TRPM8: variants seen among roughly 807,000 people sequenced by gnomAD.
TRPM8 encodes transient receptor potential cation channel subfamily M member 8.
Under a neutral mutation model 133.7 loss-of-function variants are expected in TRPM8, and 110 were observed. That is an observed-to-expected ratio of 0.82 (90% CI 0.70 to 0.96). The LOEUF (loss-of-function observed/expected upper bound fraction) is 0.96, where lower values mean the gene tolerates loss of function less well. Among genes scored for constraint, TRPM8 ranks in the 40% least tolerant of loss-of-function variants. TRPM8 has a pLI of 0.00. For missense variants in TRPM8, 1,291 were observed against 1,379.5 expected, an observed-to-expected ratio of 0.94 and a Z score of 1.02; for synonymous variants, 535 against 532.3, an observed-to-expected ratio of 1.01 and a Z score of -0.07.
At chr2:234,000,938 A>G (rs569495314) in intron 22 of TRPM8, among the ~76,000 whole-genome samples, 22 of 152,212 alleles carry the variant, frequency 1.4e-4, no homozygotes, top group Non-Finnish European at 3.1e-4. Flanking sequence ...TCAGCCTCCT[A>G]AAGTTCCCGG....
At position 234,017,865 on chromosome 2, in the gene TRPM8, C is replaced by T. The variant is rs1002918735; in HGVS notation, c.*609C>T. 1 of 152,672 alleles carries T rather than the reference C, an allele frequency of 6.5e-6. No homozygotes were observed. The highest frequency in any genetic ancestry group is 1.5e-5 in the Non-Finnish European group (1 of 68,466). The allele number at this position is 152,672 out of a possible 1,614,324, so 9.5% of individuals were successfully genotyped here. ...GGAGGTGACAAGGCAGTCTCTTGCT[C>T]TCTTGGACTCACCAGGCTCCTATTG... is the stretch of plus-strand genomic sequence containing the variant. On this transcript the variant is annotated 3_prime_UTR_variant, in exon 26 of 26. Transcript: ENST00000324695.
intron 10 of TRPM8, 85 bp downstream of exon 10, chr2:233,954,104 G>A: frequency 1.1e-6 from 1 of 946,548 alleles, no homozygotes; most frequent in Non-Finnish European, 1.5e-6. Context: ...TTATAAAACA[G>A]CTTTATTGAA....
chr2:233,987,266 T>A (rs28901878), intron 21 of TRPM8, among the ~76,000 whole-genome samples: 1 of 152,216 alleles, frequency 6.6e-6, no homozygotes. Flanking sequence ...TGGTATTTTT[T>A]AAATATAAAA....
intron 17 of TRPM8, 77 bp downstream of exon 17, chr2:233,970,503 G>A: frequency 6.4e-6 from 9 of 1,403,906 alleles, no homozygotes; most frequent in Non-Finnish European, 9.0e-6. Flanking sequence ...AGGAATAGAA[G>A]TTGCTTCTGA....
intron 9 of TRPM8, among the ~76,000 whole-genome samples, chr2:233,952,023 A>C (rs1691181775): frequency 6.6e-6 from 1 of 152,134 alleles, no homozygotes; most frequent in East Asian, 1.9e-4. Flanking sequence ...AAAAGCCGTC[A>C]TGGTTATTCC....
chr2:234,004,287 C>T (rs1389420103), intron 22 of TRPM8, among the ~76,000 whole-genome samples: 2 of 152,202 alleles, frequency 1.3e-5, no homozygotes, highest in African/African-American at 4.8e-5. Flanking sequence ...TTTCTCCACC[C>T]TCGGGTGGTG....
rs199518888 is a variant in TRPM8, at chr2:233,955,242, C to T, written c.1354C>T (p.Arg452Ter). ...TGATGAGATTTTCACCAATGACCGC[C>T]GATGGGAGGTAAGCACGAAGCTCTC... ...ANDEIFTNDR[R>*]WESADLQEVM... is the part of the protein sequence containing the mutation. The change falls in exon 11 of 26, where the codon CGA becomes TGA. Residue 452 changes from arginine to a stop codon, truncating the protein, a stop_gained. Transcript: ENST00000324695. LOFTEE classifies it high-confidence loss of function. 50 of 1,613,216 alleles carry T rather than the reference C, an allele frequency of 3.1e-5. No homozygotes were observed. The highest frequency in any genetic ancestry group is 6.7e-5 in the Admixed American group (4 of 59,994).
At chr2:233,947,593 T>C in intron 8 of TRPM8, 1 of 1,290,548 alleles carries the variant, frequency 7.7e-7, no homozygotes, top group Non-Finnish European at 1.0e-6. Flanking sequence ...GTATGTTGCA[T>C]GATGGAATTC....
intron 15 of TRPM8, among the ~76,000 whole-genome samples, chr2:233,967,059 A>C (rs1192777249): frequency 6.6e-6 from 1 of 152,164 alleles, no homozygotes; most frequent in Non-Finnish European, 1.5e-5. Context: ...TGTACCCCTA[A>C]TGAAGTGTGT....
At chr2:233,928,639 G>C (rs980564735) in intron 2 of TRPM8, among the ~76,000 whole-genome samples, 3 of 152,164 alleles carry the variant, frequency 2.0e-5, no homozygotes, top group Admixed American at 2.0e-4. Context: ...TTTCAAAACT[G>C]TACAGGTGAG....
intron 22 of TRPM8, among the ~76,000 whole-genome samples, chr2:234,004,558 T>C (rs1271664290): frequency 6.6e-6 from 1 of 152,262 alleles, no homozygotes; most frequent in Non-Finnish European, 1.5e-5. Context: ...ATTTTTCAAA[T>C]GACTTTCAGA....
chr2:233,942,055 G>C (rs1344191649), intron 5 of TRPM8, among the ~76,000 whole-genome samples: 1 of 148,532 alleles, frequency 6.7e-6, no homozygotes, highest in Non-Finnish European at 1.5e-5. Context: ...GGCAGATCTG[G>C]AATAGGGTCA....
intron 22 of TRPM8, among the ~76,000 whole-genome samples, chr2:234,000,284 T>C (rs1262161235): frequency 1.3e-5 from 2 of 152,030 alleles, no homozygotes; most frequent in African/African-American, 4.8e-5. Context: ...CTAATTTTTG[T>C]ATTTTTAGTA....
intron 6 of TRPM8, among the ~76,000 whole-genome samples, chr2:233,943,276 A>G (rs1574707729): frequency 6.6e-6 from 1 of 152,052 alleles, no homozygotes; most frequent in South Asian, 2.1e-4. Flanking sequence ...CCACTCCCCA[A>G]CAGACCCTGG....
chr2:233,992,154 G>A (rs779974175), intron 21 of TRPM8, among the ~76,000 whole-genome samples: 1 of 152,158 alleles, frequency 6.6e-6, no homozygotes, highest in African/African-American at 2.4e-5. Flanking sequence ...TGGTACGTAA[G>A]AAGGTTATTA....
intron 1 of TRPM8, among the ~76,000 whole-genome samples, chr2:233,922,891 CAG>C (rs1691436958): frequency 6.6e-6 from 1 of 152,070 alleles, no homozygotes; most frequent in South Asian, 2.1e-4. Flanking sequence ...TTTTTTGAAA[CAG>C]AGTCTCGCTC....
At chr2:233,939,742 A>G (rs1690858635) in intron 5 of TRPM8, among the ~76,000 whole-genome samples, 1 of 152,220 alleles carries the variant, frequency 6.6e-6, no homozygotes, top group African/African-American at 2.4e-5. Context: ...TAGATTCACC[A>G]ATTGTTAACA....
At chr2:233,997,238 C>T (rs554266666) in intron 22 of TRPM8, among the ~76,000 whole-genome samples, 1 of 152,276 alleles carries the variant, frequency 6.6e-6, no homozygotes, top group African/African-American at 2.4e-5. Context: ...CTCACCACTG[C>T]ACTCCAGCCT....
chr2:233,966,596 T>C lies in TRPM8; in HGVS notation c.1880-14T>C, dbSNP rs1223451871. 1.2e-6 allele frequency: 2 copies of C among 1,613,998 alleles called. No homozygotes were observed. Among genetic ancestry groups the C allele is most frequent in the South Asian group, 2.2e-5 (2 of 91,074 alleles). ...CTCTTACACCAGCTTCTCTCTGTGCTGATGTCGCTGTAGAGCTGTTCACTG... is the reference window on the plus strand; with the variant it reads ...CTCTTACACCAGCTTCTCTCTGTGCCGATGTCGCTGTAGAGCTGTTCACTG... On this transcript the variant is annotated splice_polypyrimidine_tract_variant and intron_variant, in intron 14 of 25. Coordinates refer to ENST00000324695, the MANE Select transcript of TRPM8 (RefSeq NM_024080.5).
Sources: gnomAD v4.1 joint callset for allele counts (sites outside exome capture counted in the v4.1 genomes callset) on GRCh38, gnomAD v4.1.1 for gene constraint, MANE v1.5 for transcripts, NCBI Gene and HGNC (gene_info 2026-07-23, HGNC 2026-07-21) for gene names.